Variants in PLAAT1 observed in about 807,000 individuals in gnomAD.
The protein encoded by PLAAT1 is H-REV107 protein-related protein.
In PLAAT1, 13 loss-of-function variants were observed where a neutral mutation model predicts 16.4. The observed-to-expected ratio is 0.79, with a 90% CI of 0.52 to 1.26. The LOEUF (loss-of-function observed/expected upper bound fraction) is 1.26, where lower values mean the gene tolerates loss of function less well. Ranked by LOEUF, PLAAT1 falls within the 50% of genes most tolerant of loss-of-function variation. PLAAT1 has a pLI of 0.00. For missense variants in PLAAT1, 218 were observed against 207.8 expected (o/e 1.05, Z -0.30); for synonymous variants, 73 against 78.4 (o/e 0.93, Z 0.36).
intron 2 of PLAAT1, among the ~76,000 whole-genome samples, chr3:193,260,937 A>G (rs1248577262): frequency 1.3e-5 from 2 of 152,210 alleles, no homozygotes; most frequent in Non-Finnish European, 2.9e-5. Context: ...AAGGACATAG[A>G]ATCAGTCTTA....
intron 2 of PLAAT1, 145 bp downstream of exon 2, chr3:193,255,934 G>T (rs1203912705): frequency 2.7e-6 from 2 of 736,836 alleles, no homozygotes; most frequent in African/African-American, 3.6e-5. Context: ...TTTAGAGAAG[G>T]ATATTCTAAA....
In PLAAT1 at chr3:193,249,365, A is replaced by C. The variant is rs554426196; in HGVS notation, c.1-6286A>C. ...TCCCTACACTTAGGAAGGTTTTCGC[A>C]ATTGCAGTAGATTCTTGTTTAATGT... On this transcript the variant is annotated intron_variant, in intron 1 of 3. Transcript: ENST00000264735. Among the ~76,000 whole-genome samples, 101 of 152,270 alleles carry C rather than the reference A, an allele frequency of 6.6e-4. 1 individual carries two copies. The South Asian group carries it at 0.02, about 30-fold the overall frequency.
At chr3:193,249,282 G>T (rs1157960841) in intron 1 of PLAAT1, among the ~76,000 whole-genome samples, 1 of 151,868 alleles carries the variant, frequency 6.6e-6, no homozygotes, top group Admixed American at 6.6e-5. Context: ...ATCTTGATTT[G>T]GTTTGCCTTG....
chr3:193,240,784 T>C (rs1189559747), upstream of PLAAT1, among the ~76,000 whole-genome samples: 3 of 152,012 alleles, frequency 2.0e-5, no homozygotes, highest in East Asian at 1.9e-4. Context: ...TCCGCCACTT[T>C]GCTGACTCAA....
intron 2 of PLAAT1, among the ~76,000 whole-genome samples, chr3:193,262,436 T>C (rs1321708634): frequency 2.7e-5 from 4 of 149,922 alleles, no homozygotes; most frequent in Admixed American, 2.0e-4. Flanking sequence ...TGAGGTACCA[T>C]GCGGGTTTCG....
intron 2 of PLAAT1, among the ~76,000 whole-genome samples, chr3:193,257,694 G>A (rs1716430468): frequency 6.6e-6 from 1 of 152,170 alleles, no homozygotes; most frequent in East Asian, 1.9e-4. Flanking sequence ...CTGTGAGGGT[G>A]TTGCCAAAGG....
downstream of PLAAT1, among the ~76,000 whole-genome samples, chr3:193,272,477 G>T: frequency 6.6e-6 from 1 of 151,778 alleles, no homozygotes; most frequent in East Asian, 1.9e-4. Context: ...AAAAAACCCA[G>T]TTTTCTAGTA....
intron 1 of PLAAT1, among the ~76,000 whole-genome samples, chr3:193,243,236 A>G (rs78436786): frequency 0.052 from 7,894 of 152,316 alleles, 306 homozygotes; most frequent in Middle Eastern, 0.12. Context: ...AGAGGATGTT[A>G]TAAATGTGTC....
chr3:193,270,720 G>T lies in PLAAT1; in HGVS notation c.*15G>T. 6.2e-7 allele frequency: 1 copy of T among 1,607,886 alleles called. No individual in the cohort carries two copies. On this transcript the variant is annotated 3_prime_UTR_variant, in exon 4 of 4. Transcript: ENST00000264735. Reference sequence around the variant, plus strand: ...AATACTATTAACAATTTACCAAAGAGATATTGATATTGAAGGAATTTGGGA... The same window carrying T: ...AATACTATTAACAATTTACCAAAGATATATTGATATTGAAGGAATTTGGGA...
At chr3:193,262,930 T>A in intron 2 of PLAAT1, 40 bp from the exon 3 acceptor site, 5 of 1,601,042 alleles carry the variant, frequency 3.1e-6, no homozygotes, top group Non-Finnish European at 3.4e-6. Flanking sequence ...TTCATTGGAC[T>A]GGGTCACTAT....
chr3:193,265,322 C>T (rs1264954660), intron 3 of PLAAT1, among the ~76,000 whole-genome samples: 2 of 152,178 alleles, frequency 1.3e-5, no homozygotes, highest in Non-Finnish European at 2.9e-5. Context: ...AAATGAAGTA[C>T]TCATACATGC....
chr3:193,241,167 G>A, upstream of PLAAT1: 1 of 1,200,880 alleles, frequency 8.3e-7, no homozygotes, highest in Non-Finnish European at 1.0e-6. Context: ...GCCAAGCGAG[G>A]TCTAGCCGGA....
chr3:193,258,884 G>T (rs1051047178), intron 2 of PLAAT1, among the ~76,000 whole-genome samples: 1 of 152,012 alleles, frequency 6.6e-6, no homozygotes, highest in East Asian at 1.9e-4. Flanking sequence ...AGGAGGAGGG[G>T]CTCCTTCCTA....
intron 2 of PLAAT1, among the ~76,000 whole-genome samples, chr3:193,262,157 T>C (rs532601791): frequency 1.3e-4 from 20 of 152,262 alleles, no homozygotes; most frequent in African/African-American, 4.6e-4. Context: ...CAACCTCAAG[T>C]ACTGACATTG....
At chr3:193,241,035 G>C (rs1446397380), upstream of PLAAT1, 1 of 423,524 alleles carries the variant, frequency 2.4e-6, no homozygotes, top group Non-Finnish European at 3.8e-6. Context: ...GTTGCGCGGC[G>C]CTTTGACCGT....
At chr3:193,241,966 A>G (rs550384029) in intron 1 of PLAAT1, among the ~76,000 whole-genome samples, 1 of 152,300 alleles carries the variant, frequency 6.6e-6, no homozygotes, top group South Asian at 2.1e-4. Context: ...CTCCGCAGTT[A>G]CTTGTGCGAG....
At chr3:193,261,958 G>T (rs958336399) in intron 2 of PLAAT1, among the ~76,000 whole-genome samples, 2 of 152,126 alleles carry the variant, frequency 1.3e-5, no homozygotes, top group Non-Finnish European at 2.9e-5. Flanking sequence ...TGAGAAGGAG[G>T]ACAGACAGAA....
chr3:193,263,010 C>T lies in PLAAT1; in HGVS notation c.180C>T (p.Phe60=), dbSNP rs1161676967. 1 of 1,614,162 alleles carries T rather than the reference C, an allele frequency of 6.2e-7. No homozygotes were observed. The highest frequency in any genetic ancestry group is 1.3e-5 in the African/African-American group (1 of 75,046). The part of the protein sequence containing the change: ...PASFTSAKSV[F]SSKALVKMQL... Reference sequence around the variant, plus strand: ...CCTTTACAAGCGCCAAGTCTGTATTCAGCAGTAAGGCCCTGGTGAAAATGC... The same window carrying T: ...CCTTTACAAGCGCCAAGTCTGTATTTAGCAGTAAGGCCCTGGTGAAAATGC... Residue 60 remains phenylalanine (F), a synonymous_variant, in exon 3 of 4, where the codon TTC becomes TTT. Coordinates refer to ENST00000264735, the MANE Select transcript of PLAAT1 (RefSeq NM_020386.5).
chr3:193,267,483 T>G (rs1716820221), intron 3 of PLAAT1, among the ~76,000 whole-genome samples: 1 of 152,190 alleles, frequency 6.6e-6, no homozygotes, highest in African/African-American at 2.4e-5. Context: ...TCAGATTGGC[T>G]TCTTTCATGT....
Sources: allele counts gnomAD v4.1 joint callset (sites outside exome capture counted in the v4.1 genomes callset), GRCh38; gene constraint gnomAD v4.1.1; transcripts MANE v1.5; gene names NCBI Gene and HGNC (gene_info 2026-07-23, HGNC 2026-07-21).